The following ERBB4 variants were observed in gnomAD, a reference collection of about 807,000 sequenced individuals.
ERBB4 encodes erb-b2 receptor tyrosine kinase 4.
In ERBB4, 42 loss-of-function variants were observed where a neutral mutation model predicts 158.0. The ratio of observed to expected loss-of-function variants is 0.27; its 90% CI spans 0.21 to 0.34. ERBB4 has a LOEUF of 0.34. Ranked by LOEUF, ERBB4 falls within the 10% of genes least tolerant of loss-of-function variation. The probability of loss-of-function intolerance (pLI) is 1.00; values close to 1 mark genes in which losing one functional copy is unlikely to be tolerated. For synonymous variants in ERBB4, 583 were observed against 558.7 expected (o/e 1.04, Z -0.61); for missense variants, 1,333 against 1,624.1 (o/e 0.82, Z 3.08).
At chr2:212,443,176 C>A (rs946559765) in intron 1 of ERBB4, among the ~76,000 whole-genome samples, 5 of 152,200 alleles carry the variant, frequency 3.3e-5, no homozygotes, top group Non-Finnish European at 7.3e-5. Context: ...ACTGTCCTAC[C>A]TCAGGGGTTT....
At chr2:211,656,523 T>C (rs1196771905) in intron 16 of ERBB4, among the ~76,000 whole-genome samples, 3 of 152,334 alleles carry the variant, frequency 2.0e-5, no homozygotes, top group Admixed American at 6.5e-5. Flanking sequence ...CAGTAAAACA[T>C]ACAGTTCTAT....
At chr2:212,498,919 C>A (rs917333444) in intron 1 of ERBB4, among the ~76,000 whole-genome samples, 1 of 151,844 alleles carries the variant, frequency 6.6e-6, no homozygotes, top group Non-Finnish European at 1.5e-5. Flanking sequence ...ACTCCTAAGC[C>A]CTATCTTTGA....
chr2:211,775,286 G>A (rs989792177), intron 4 of ERBB4, among the ~76,000 whole-genome samples: 4 of 152,060 alleles, frequency 2.6e-5, no homozygotes, highest in African/African-American at 7.2e-5. Flanking sequence ...TGGTTTTGGG[G>A]GACTTGGCTA....
intron 19 of ERBB4, among the ~76,000 whole-genome samples, chr2:211,579,498 T>A (rs1238207452): frequency 1.3e-5 from 2 of 152,064 alleles, no homozygotes; most frequent in Non-Finnish European, 2.9e-5. Flanking sequence ...TACATGCACA[T>A]CTATGTTGAC....
chr2:211,794,076 A>G (rs975797580), intron 3 of ERBB4, among the ~76,000 whole-genome samples: 3 of 151,968 alleles, frequency 2.0e-5, no homozygotes, highest in Non-Finnish European at 4.4e-5. Context: ...TAGCAATTTC[A>G]AGATGAAATT....
chr2:211,971,297 C>A (rs908900634), intron 2 of ERBB4, among the ~76,000 whole-genome samples: 1 of 151,998 alleles, frequency 6.6e-6, no homozygotes, highest in African/African-American at 2.4e-5. Flanking sequence ...TCTCTATGCT[C>A]ATAAACTAGA....
chr2:212,265,215 T>G (rs924026962), intron 1 of ERBB4, among the ~76,000 whole-genome samples: 1 of 152,118 alleles, frequency 6.6e-6, no homozygotes, highest in Non-Finnish European at 1.5e-5. Flanking sequence ...TATATTATAC[T>G]TATTTTCTAT....
chr2:211,973,183 T>C (rs1406064751), intron 2 of ERBB4, among the ~76,000 whole-genome samples: 2 of 149,516 alleles, frequency 1.3e-5, no homozygotes, highest in African/African-American at 2.4e-5. Flanking sequence ...AAGCTAACCA[T>C]CACTAATTAC....
At chr2:212,003,031 G>A (rs889902750) in intron 2 of ERBB4, among the ~76,000 whole-genome samples, 1 of 149,466 alleles carries the variant, frequency 6.7e-6, no homozygotes, top group African/African-American at 2.5e-5. Context: ...TCCAGCTTGA[G>A]CAACAGAGCG....
intron 1 of ERBB4, among the ~76,000 whole-genome samples, chr2:212,345,911 T>C (rs114061273): frequency 2.0e-5 from 3 of 152,152 alleles, no homozygotes; most frequent in East Asian, 1.9e-4. Context: ...GAAAATATAT[T>C]TGAATTCTCC....
intron 1 of ERBB4, among the ~76,000 whole-genome samples, chr2:212,511,891 A>T (rs766435089): frequency 6.6e-6 from 1 of 152,172 alleles, no homozygotes; most frequent in Admixed American, 6.5e-5. Context: ...GTCACCATCC[A>T]GTACCAAAGG....
chr2:212,309,822 T>A (rs1280305349), intron 1 of ERBB4, among the ~76,000 whole-genome samples: 1 of 150,584 alleles, frequency 6.6e-6, no homozygotes, highest in Non-Finnish European at 1.5e-5. Flanking sequence ...AGGACAGTTG[T>A]GTTCTTATTA....
At chr2:211,514,018 A>G (rs13382194) in intron 20 of ERBB4, among the ~76,000 whole-genome samples, 56,893 of 151,898 alleles carry the variant, frequency 0.37, 11,021 homozygotes, top group Non-Finnish European at 0.41. Flanking sequence ...TGAAATATAC[A>G]ATAAATTATT....
intron 2 of ERBB4, among the ~76,000 whole-genome samples, chr2:211,988,668 G>A (rs1367452999): frequency 1.3e-5 from 2 of 151,978 alleles, no homozygotes; most frequent in East Asian, 1.9e-4. Context: ...CCCAGTTAAT[G>A]TTACATCATC....
chr2:211,542,307 T>G (rs1010488581), intron 20 of ERBB4, among the ~76,000 whole-genome samples: 1 of 151,950 alleles, frequency 6.6e-6, no homozygotes, highest in African/African-American at 2.4e-5. Context: ...TCTAAACAAG[T>G]GAAGGAAAAC....
intron 3 of ERBB4, among the ~76,000 whole-genome samples, chr2:211,884,727 A>G (rs974449007): frequency 8.5e-5 from 13 of 152,084 alleles, no homozygotes; most frequent in African/African-American, 2.9e-4. Context: ...AATTTCATCA[A>G]CTCACTCTTG....
At position 212,059,408 on chromosome 2, in the gene ERBB4, C is replaced by T. The variant is rs905016522; in HGVS notation, c.234+65344G>A. Among the ~76,000 whole-genome samples the T allele has an allele frequency of 3.3e-5, 5 of 152,168 alleles. No homozygotes were observed. In the East Asian group the frequency reaches 9.6e-4, roughly 29 times the overall value. ...ATCCAATGCCATCCCCATCAAGCTA[C>T]CAATGACTTTCTTCACACAATTGGA... On this transcript the variant is annotated intron_variant, in intron 2 of 27. Transcript: ENST00000342788.
chr2:212,166,397 A>C (rs2081347441), intron 1 of ERBB4, among the ~76,000 whole-genome samples: 1 of 152,068 alleles, frequency 6.6e-6, no homozygotes, highest in Non-Finnish European at 1.5e-5. Flanking sequence ...TTAGTATTTT[A>C]CATTAACAAA....
At chr2:211,981,184 C>A (rs559544292) in intron 2 of ERBB4, among the ~76,000 whole-genome samples, 1 of 152,250 alleles carries the variant, frequency 6.6e-6, no homozygotes, top group African/African-American at 2.4e-5. Context: ...TGTTGTCTAT[C>A]CTCTGCACAA....
Sources: gnomAD v4.1 joint callset for allele counts (sites outside exome capture counted in the v4.1 genomes callset) on GRCh38, gnomAD v4.1.1 for gene constraint, MANE v1.5 for transcripts, NCBI Gene and HGNC (gene_info 2026-07-23, HGNC 2026-07-21) for gene names.